The following TMED8 variants were observed in gnomAD, a reference collection of about 807,000 sequenced individuals.
TMED8 encodes transmembrane p24 trafficking protein family member 8.
In TMED8, 15 loss-of-function variants were observed where a neutral mutation model predicts 32.7. That is an observed-to-expected ratio of 0.46 (90% CI 0.31 to 0.71). The LOEUF (loss-of-function observed/expected upper bound fraction) is 0.71, where lower values mean the gene tolerates loss of function less well. TMED8 is among the 30% of genes least tolerant of loss of function. The pLI is 0.06. For missense variants in TMED8, 390 were observed against 423.9 expected (o/e 0.92, Z 0.70); for synonymous variants, 147 against 161.4 (o/e 0.91, Z 0.68).
intron 2 of TMED8, among the ~76,000 whole-genome samples, chr14:77,348,515 G>T (rs936013722): frequency 6.6e-6 from 1 of 152,124 alleles, no homozygotes; most frequent in Admixed American, 6.6e-5. Context: ...GAGCCACCGC[G>T]CCCGGCTGTT....
At chr14:77,361,189 C>T (rs1434272883) in intron 1 of TMED8, among the ~76,000 whole-genome samples, 3 of 152,048 alleles carry the variant, frequency 2.0e-5, no homozygotes, top group African/African-American at 4.8e-5. Context: ...ACCATGTTGA[C>T]CAGGCTGGTC....
At chr14:77,361,824 CTG>C (rs1893442892) in intron 1 of TMED8, among the ~76,000 whole-genome samples, 1 of 152,156 alleles carries the variant, frequency 6.6e-6, no homozygotes, top group Non-Finnish European at 1.5e-5. Context: ...GACAGGGTCT[CTG>C]TAAGCCATGC....
chr14:77,347,838 T>C (rs2139609253), intron 2 of TMED8, among the ~76,000 whole-genome samples: 1 of 152,354 alleles, frequency 6.6e-6, no homozygotes, highest in Non-Finnish European at 1.5e-5. Context: ...CTGTTGCTGA[T>C]AAAAGGTGAC....
chr14:77,349,582 T>TA (rs1193198918), intron 2 of TMED8, among the ~76,000 whole-genome samples: 1 of 152,194 alleles, frequency 6.6e-6, no homozygotes, highest in African/African-American at 2.4e-5. Flanking sequence ...AATACTCTTC[T>TA]AGGACATTAA....
chr14:77,364,621 G>A (rs1893509800), intron 1 of TMED8, among the ~76,000 whole-genome samples: 3 of 152,042 alleles, frequency 2.0e-5, no homozygotes, highest in African/African-American at 7.3e-5. Context: ...TCAAACTCTT[G>A]GGCTCAAGTG....
At chr14:77,358,324 C>A (rs370931729) in intron 1 of TMED8, among the ~76,000 whole-genome samples, 1 of 149,620 alleles carries the variant, frequency 6.7e-6, no homozygotes, top group African/African-American at 2.5e-5. Context: ...TTTTTTGAGA[C>A]GGAGTCTTGC....
chr14:77,340,741 G>A lies in TMED8; in HGVS notation c.*1030C>T, dbSNP rs2043528047. 1 of 152,162 alleles carries A rather than the reference G, an allele frequency of 6.6e-6. No homozygotes were observed. Among genetic ancestry groups the A allele is most frequent in the Non-Finnish European group, 1.5e-5 (1 of 68,026 alleles). The allele number at this position is 152,162 out of a possible 1,614,324, so 9.4% of individuals were successfully genotyped here. A position where few individuals can be genotyped will look rare whatever the true frequency, so the allele number is the denominator to read the frequency against. On this transcript the variant is annotated 3_prime_UTR_variant, in exon 6 of 6. Transcript: ENST00000216468. ...GGACTTTGAACACCAAAAGCTTTAA[G>A]CCCTCAATGCAAGAAAGCTAAATGC...
At chr14:77,368,605 G>A (rs1468657818) in intron 1 of TMED8, among the ~76,000 whole-genome samples, 1 of 152,090 alleles carries the variant, frequency 6.6e-6, no homozygotes, top group Non-Finnish European at 1.5e-5. Context: ...AGCCTCCCTA[G>A]TAGCTGGGAC....
chr14:77,351,813 G>T, intron 1 of TMED8, 62 bp from the exon 2 acceptor site: 1 of 1,388,258 alleles, frequency 7.2e-7, no homozygotes, highest in Non-Finnish European at 9.9e-7. Flanking sequence ...TAATTATCTT[G>T]TACCTTTAAA....
intron 1 of TMED8, among the ~76,000 whole-genome samples, chr14:77,364,073 C>T (rs1893496986): frequency 6.6e-6 from 1 of 152,234 alleles, no homozygotes; most frequent in South Asian, 2.1e-4. Flanking sequence ...TTTCCCCACA[C>T]CTGGCACATC....
In TMED8 at chr14:77,337,057, A is replaced by G. The variant is rs1892777400; in HGVS notation, c.*4714T>C. ...TAATGGGACAATATACACTTTTTTA[A>G]AAGTCTGAGTTTTTCTTCCCAAAAT... is the stretch of plus-strand genomic sequence containing the variant. On this transcript the variant is annotated 3_prime_UTR_variant, in exon 6 of 6. Coordinates refer to ENST00000216468, the MANE Select transcript of TMED8 (RefSeq NM_213601.3). The G allele has an allele frequency of 6.6e-6, 1 of 152,196 alleles. No individual in the cohort carries two copies. The highest frequency in any genetic ancestry group is 1.5e-5 in the Non-Finnish European group (1 of 68,032). 9.4% of individuals were successfully genotyped at this position (152,196 alleles called of 1,614,324 possible).
At chr14:77,372,929 TATATATATATATATATA>T (rs1893712614) in intron 1 of TMED8, among the ~76,000 whole-genome samples, 2 of 31,974 alleles carry the variant, frequency 6.3e-5, no homozygotes, top group African/African-American at 4.1e-4. Flanking sequence ...TATATATATA[TATATATATATATATATA>T]TATATATTTT....
chr14:77,364,908 C>G (rs1478142644), intron 1 of TMED8, among the ~76,000 whole-genome samples: 1 of 152,156 alleles, frequency 6.6e-6, no homozygotes, highest in East Asian at 1.9e-4. Flanking sequence ...TGCTGCCATT[C>G]TATAGATAGA....
chr14:77,348,341 C>G (rs1209054679), intron 2 of TMED8, among the ~76,000 whole-genome samples: 2 of 151,878 alleles, frequency 1.3e-5, no homozygotes, highest in Non-Finnish European at 2.9e-5. Flanking sequence ...TCCTGCCTCA[C>G]CCTCCCGAGT....
At chr14:77,374,466 A>G (rs1019261401) in intron 1 of TMED8, among the ~76,000 whole-genome samples, 3 of 152,230 alleles carry the variant, frequency 2.0e-5, no homozygotes, top group African/African-American at 7.2e-5. Context: ...TCCTCACTAG[A>G]TGTCAGCAAT....
chr14:77,370,285 A>T (rs937356435), intron 1 of TMED8, among the ~76,000 whole-genome samples: 5 of 152,234 alleles, frequency 3.3e-5, no homozygotes, highest in African/African-American at 1.2e-4. Context: ...ATCGTAATGA[A>T]GACTTCAAAA....
intron 2 of TMED8, 54 bp from the exon 3 acceptor site, chr14:77,346,532 A>G: frequency 6.2e-6 from 10 of 1,604,744 alleles, no homozygotes; most frequent in Non-Finnish European, 8.5e-6. Context: ...AGACTCAATC[A>G]TCCTGGAGAA....
At chr14:77,343,074 T>G (rs1892942297) in intron 5 of TMED8, 104 bp downstream of exon 5, 8 of 1,163,364 alleles carry the variant, frequency 6.9e-6, no homozygotes, top group Non-Finnish European at 9.6e-6. Context: ...GCTGAGTTTC[T>G]CAACTGCATT....
chr14:77,369,551 G>T (rs74063344), intron 1 of TMED8, among the ~76,000 whole-genome samples: 2,504 of 152,226 alleles, frequency 0.016, 58 homozygotes, highest in African/African-American at 0.057. Context: ...TGTTACTTTA[G>T]TTCAAAGAGG....
Sources: gnomAD v4.1 joint callset for allele counts (sites outside exome capture counted in the v4.1 genomes callset) on GRCh38, gnomAD v4.1.1 for gene constraint, MANE v1.5 for transcripts, NCBI Gene and HGNC (gene_info 2026-07-23, HGNC 2026-07-21) for gene names.